Variants in UQCC1 observed in about 807,000 individuals in gnomAD.
UQCC1 encodes ubiquinol-cytochrome c reductase complex assembly factor 1.
In UQCC1, 38 loss-of-function variants were observed where a neutral mutation model predicts 48.0. That is an observed-to-expected ratio of 0.79 (90% CI 0.61 to 1.04). The LOEUF (loss-of-function observed/expected upper bound fraction) is 1.04. Among genes scored for constraint, UQCC1 ranks in the 50% least tolerant of loss-of-function variants. The pLI is 0.00. For missense variants in UQCC1, 368 were observed against 381.8 expected (o/e 0.96, Z 0.30); for synonymous variants, 111 against 129.2 (o/e 0.86, Z 0.95).
intron 1 of UQCC1, among the ~76,000 whole-genome samples, chr20:35,398,057 A>G (rs2062107339): frequency 6.6e-6 from 1 of 152,240 alleles, no homozygotes; most frequent in Admixed American, 6.5e-5. Context: ...GGAGAGGATA[A>G]GCAACCTCCC....
intron 7 of UQCC1, among the ~76,000 whole-genome samples, chr20:35,333,188 A>T (rs768949667): frequency 5.3e-5 from 8 of 152,144 alleles, no homozygotes; most frequent in Non-Finnish European, 8.8e-5. Context: ...GGCCACAGCC[A>T]AGTCCTTTAA....
At chr20:35,357,421 G>A (rs561570036) in intron 6 of UQCC1, among the ~76,000 whole-genome samples, 3 of 152,128 alleles carry the variant, frequency 2.0e-5, no homozygotes, top group Non-Finnish European at 4.4e-5. Context: ...TTGGGAGGCC[G>A]AGGCAGGAGA....
intron 7 of UQCC1, among the ~76,000 whole-genome samples, chr20:35,337,962 A>G (rs1236267163): frequency 6.7e-6 from 1 of 149,598 alleles, no homozygotes; most frequent in South Asian, 2.1e-4. Context: ...ACAGTATAAT[A>G]CCGCCTTTGT....
chr20:35,394,118 C>G lies in UQCC1; in HGVS notation c.103G>C (p.Asp35His). The G allele has an allele frequency of 6.2e-7, 1 of 1,613,952 alleles. No homozygotes were observed. Among genetic ancestry groups the G allele is most frequent in the Non-Finnish European group, 8.5e-7 (1 of 1,179,886 alleles). ...TGGGAAGTGCGAGACAGAGCCCTGT[C>G]CCCCTGTCCTTGGGTAGGAGACACA... ...IPVSPTQGQG[D>H]RALSRTSQWP... Residue 35 changes from aspartate (D) to histidine (H), a missense_variant, in exon 2 of 10, where the codon GAC becomes CAC. Transcript: ENST00000374385.
intron 2 of UQCC1, among the ~76,000 whole-genome samples, chr20:35,392,637 C>T (rs964499221): frequency 2.6e-5 from 4 of 152,130 alleles, no homozygotes; most frequent in Non-Finnish European, 5.9e-5. Flanking sequence ...CCAAAGTAGA[C>T]GCCTCTTCTG....
intron 7 of UQCC1, chr20:35,344,389 T>G (rs191699106): frequency 4.0e-4 from 61 of 152,502 alleles, no homozygotes; most frequent in Admixed American, 1.1e-3. Context: ...CTCATTAAGC[T>G]ATTCAGGATA....
At chr20:35,381,875 CA>C in intron 4 of UQCC1, 42 bp downstream of exon 4, 1 of 1,184,102 alleles carries the variant, frequency 8.4e-7, no homozygotes, top group Non-Finnish European at 1.2e-6. Context: ...GCAGAAAGCA[CA>C]ATGCCCAAAA....
At chr20:35,338,619 G>A (rs1214411200) in intron 7 of UQCC1, among the ~76,000 whole-genome samples, 2 of 151,556 alleles carry the variant, frequency 1.3e-5, no homozygotes, top group Non-Finnish European at 2.9e-5. Flanking sequence ...GGCCGAGCGG[G>A]TGGATCACTT....
intron 1 of UQCC1, among the ~76,000 whole-genome samples, chr20:35,398,964 C>T (rs754071942): frequency 2.6e-5 from 4 of 152,158 alleles, no homozygotes; most frequent in Non-Finnish European, 5.9e-5. Flanking sequence ...TTCTTTCCTT[C>T]GCCAATCCTA....
At chr20:35,377,281 A>G (rs914621398) in intron 4 of UQCC1, among the ~76,000 whole-genome samples, 1 of 152,238 alleles carries the variant, frequency 6.6e-6, no homozygotes, top group Non-Finnish European at 1.5e-5. Context: ...TGACAAATCA[A>G]TCAGTTTCAC....
chr20:35,323,559 C>T (rs2061156289), intron 7 of UQCC1, among the ~76,000 whole-genome samples: 1 of 152,178 alleles, frequency 6.6e-6, no homozygotes, highest in Non-Finnish European at 1.5e-5. Flanking sequence ...CTTTGTCTTA[C>T]CAACCGTACT....
At chr20:35,384,707 A>C in intron 2 of UQCC1, 1 of 439,276 alleles carries the variant, frequency 2.3e-6, no homozygotes, top group Non-Finnish European at 4.5e-6. Context: ...CGTGGCTCAC[A>C]CCTGTAATCC....
chr20:35,317,102 A>C (rs1490638714), intron 7 of UQCC1, among the ~76,000 whole-genome samples: 1 of 151,056 alleles, frequency 6.6e-6, no homozygotes, highest in African/African-American at 2.4e-5. Flanking sequence ...CACCTGGCTA[A>C]TTTTTTTGTA....
At chr20:35,329,278 A>C (rs1391779101) in intron 7 of UQCC1, among the ~76,000 whole-genome samples, 1 of 152,202 alleles carries the variant, frequency 6.6e-6, no homozygotes. Context: ...CCAGTGAAGA[A>C]GCAGCCGACA....
chr20:35,337,464 G>A (rs2061327765), intron 7 of UQCC1, among the ~76,000 whole-genome samples: 1 of 152,130 alleles, frequency 6.6e-6, no homozygotes, highest in African/African-American at 2.4e-5. Context: ...TAGGATTACA[G>A]GCTTAAGCCA....
intron 7 of UQCC1, among the ~76,000 whole-genome samples, chr20:35,341,882 T>TC (rs1728133362): frequency 6.6e-6 from 1 of 152,186 alleles, no homozygotes; most frequent in East Asian, 1.9e-4. Context: ...GAGTGCTTAC[T>TC]AAGTGCCAGG....
chr20:35,409,474 A>G (rs748590503), intron 1 of UQCC1: 16 of 168,006 alleles, frequency 9.5e-5, no homozygotes, highest in South Asian at 9.5e-4. Context: ...CCGTCTCAGA[A>G]AAAAAAAAAA....
intron 7 of UQCC1, among the ~76,000 whole-genome samples, chr20:35,332,835 C>T (rs544402548): frequency 3.3e-5 from 5 of 152,268 alleles, no homozygotes; most frequent in Admixed American, 3.3e-4. Context: ...AAACCTAATC[C>T]CCAGCCTAGC....
chr20:35,360,183 G>T (rs1223364858), intron 6 of UQCC1, among the ~76,000 whole-genome samples: 1 of 152,200 alleles, frequency 6.6e-6, no homozygotes, highest in Non-Finnish European at 1.5e-5. Context: ...GTGGGTGTTT[G>T]AACACTGCAA....
Sources: gnomAD v4.1 joint callset for allele counts (sites outside exome capture counted in the v4.1 genomes callset) on GRCh38, gnomAD v4.1.1 for gene constraint, MANE v1.5 for transcripts, NCBI Gene and HGNC (gene_info 2026-07-23, HGNC 2026-07-21) for gene names.